Variants in CDH4 observed in about 807,000 individuals in gnomAD.
CDH4 encodes the protein cadherin 4.
A neutral mutation model predicts 86.0 loss-of-function variants in CDH4; 33 were observed. That is an observed-to-expected ratio of 0.38 (90% CI 0.29 to 0.51). The LOEUF (loss-of-function observed/expected upper bound fraction) is 0.51, where lower values mean the gene tolerates loss of function less well. Ranked by LOEUF, CDH4 falls within the 20% of genes least tolerant of loss-of-function variation. The pLI is 0.86. For synonymous variants in CDH4, 555 were observed against 549.4 expected (o/e 1.01, Z -0.14); for missense variants, 1,114 against 1,307.4 (o/e 0.85, Z 2.28).
chr20:61,307,679 A>C (rs2084424618), intron 2 of CDH4, among the ~76,000 whole-genome samples: 1 of 152,204 alleles, frequency 6.6e-6, no homozygotes, highest in Admixed American at 6.5e-5. Flanking sequence ...TGGGGAAACT[A>C]CATCAGGAAG....
At chr20:61,339,778 T>A (rs1247498502) in intron 2 of CDH4, among the ~76,000 whole-genome samples, 1 of 152,184 alleles carries the variant, frequency 6.6e-6, no homozygotes, top group African/African-American at 2.4e-5. Context: ...CCTGCAGGCA[T>A]CGCTGGGGAT....
At chr20:61,686,474 TATGTGC>T (rs1347824758) in intron 2 of CDH4, among the ~76,000 whole-genome samples, 1 of 151,276 alleles carries the variant, frequency 6.6e-6, no homozygotes, top group African/African-American at 2.4e-5. Context: ...TTTGCGTGTA[TATGTGC>T]GTGTGTGTGC....
At chr20:61,565,231 T>TCCTCTTGGTGATGG in intron 2 of CDH4, among the ~76,000 whole-genome samples, 1 of 45,758 alleles carries the variant, frequency 2.2e-5, no homozygotes, top group Admixed American at 2.2e-4. Context: ...TAGGTGGTGG[T>TCCTCTTGGTGATGG]GGTGGTGGTG....
chr20:61,702,372 G>T (rs1002410234), intron 2 of CDH4, among the ~76,000 whole-genome samples: 8 of 152,204 alleles, frequency 5.3e-5, no homozygotes, highest in African/African-American at 7.2e-5. Flanking sequence ...AGACGAGGCA[G>T]GAGCCACGTA....
chr20:61,531,753 C>A (rs569414156), intron 2 of CDH4, among the ~76,000 whole-genome samples: 1 of 152,302 alleles, frequency 6.6e-6, no homozygotes, highest in South Asian at 2.1e-4. Flanking sequence ...TGAGATGAGG[C>A]CGGGATGAGT....
chr20:61,506,214 C>T (rs1295676755), intron 2 of CDH4, among the ~76,000 whole-genome samples: 5 of 152,236 alleles, frequency 3.3e-5, no homozygotes, highest in Non-Finnish European at 4.4e-5. Context: ...AGAGTAAAGA[C>T]GCTCATGCAT....
chr20:61,914,000 G>A (rs557761525), intron 9 of CDH4, among the ~76,000 whole-genome samples: 2 of 152,166 alleles, frequency 1.3e-5, no homozygotes, highest in Admixed American at 6.5e-5. Flanking sequence ...GGGGTTTCCC[G>A]AAGCATGTCT....
chr20:61,701,277 C>T (rs2087773165), intron 2 of CDH4, among the ~76,000 whole-genome samples: 1 of 152,198 alleles, frequency 6.6e-6, no homozygotes, highest in Non-Finnish European at 1.5e-5. Flanking sequence ...GTGCCATGAC[C>T]CCATTTCCAA....
intron 6 of CDH4, among the ~76,000 whole-genome samples, chr20:61,854,787 C>A (rs1278536639): frequency 2.6e-4 from 39 of 148,500 alleles, no homozygotes; most frequent in Non-Finnish European, 5.2e-4. Flanking sequence ...CTTGGTCCAC[C>A]CCCAGGGCTG....
At chr20:61,536,051 C>T (rs941357036) in intron 2 of CDH4, among the ~76,000 whole-genome samples, 23 of 152,098 alleles carry the variant, frequency 1.5e-4, no homozygotes, top group African/African-American at 2.2e-4. Flanking sequence ...GGAGTGCCCC[C>T]GGAGCCCCAC....
At chr20:61,358,595 C>T (rs2084766454) in intron 2 of CDH4, among the ~76,000 whole-genome samples, 2 of 152,184 alleles carry the variant, frequency 1.3e-5, no homozygotes, top group African/African-American at 2.4e-5. Context: ...ACCTAAAATC[C>T]AGTCCCTTGT....
intron 2 of CDH4, among the ~76,000 whole-genome samples, chr20:61,739,774 C>A (rs919861081): frequency 2.0e-5 from 3 of 152,222 alleles, no homozygotes; most frequent in Non-Finnish European, 2.9e-5. Context: ...GACAGCAGGC[C>A]GCTCCCGGCC....
chr20:61,611,142 TG>T (rs1423135338), intron 2 of CDH4, among the ~76,000 whole-genome samples: 1 of 151,950 alleles, frequency 6.6e-6, no homozygotes, highest in Non-Finnish European at 1.5e-5. Flanking sequence ...CCCAGCAGGT[TG>T]GGATAGTCCC....
chr20:61,563,737 C>A (rs1159053262), intron 2 of CDH4, among the ~76,000 whole-genome samples: 1 of 152,222 alleles, frequency 6.6e-6, no homozygotes, highest in East Asian at 1.9e-4. Flanking sequence ...AACACAGGGA[C>A]AGCTCACCTT....
At chr20:61,575,046 A>G (rs1403198044) in intron 2 of CDH4, among the ~76,000 whole-genome samples, 2 of 152,230 alleles carry the variant, frequency 1.3e-5, no homozygotes, top group African/African-American at 4.8e-5. Context: ...GGTTTTGTTA[A>G]TGAGGTTCTA....
chr20:61,461,862 C>T (rs369217323), intron 2 of CDH4, among the ~76,000 whole-genome samples: 91 of 152,282 alleles, frequency 6.0e-4, no homozygotes, highest in African/African-American at 2.0e-3. Flanking sequence ...GCTTTGCTGC[C>T]CAAAGCTCTG....
chr20:61,864,277 G>GA (rs1459778899), intron 6 of CDH4, among the ~76,000 whole-genome samples: 6 of 152,154 alleles, frequency 3.9e-5, no homozygotes, highest in Admixed American at 1.3e-4. Context: ...GGAGCTGACG[G>GA]GGCCAGTTCT....
chr20:61,484,047 C>T (rs528085662), intron 2 of CDH4, among the ~76,000 whole-genome samples: 1 of 152,222 alleles, frequency 6.6e-6, no homozygotes, highest in East Asian at 1.9e-4. Context: ...TCTCTTTGCT[C>T]TCCGCTGGGG....
intron 2 of CDH4, among the ~76,000 whole-genome samples, chr20:61,535,607 C>T (rs1175730225): frequency 3.3e-5 from 5 of 152,178 alleles, no homozygotes; most frequent in East Asian, 1.9e-4. Flanking sequence ...AGGATGAAAA[C>T]GCGGGGGCCT....
Sources: allele counts gnomAD v4.1 joint callset (sites outside exome capture counted in the v4.1 genomes callset), GRCh38; gene constraint gnomAD v4.1.1; transcripts MANE v1.5; gene names NCBI Gene and HGNC (gene_info 2026-07-23, HGNC 2026-07-21).